KIAA1217: variants seen among roughly 807,000 people sequenced by gnomAD.
KIAA1217 encodes the protein KIAA1217.
KIAA1217 carries 88 observed loss-of-function variants against 163.9 expected under a neutral mutation model. The observed-to-expected ratio is 0.54, with a 90% CI of 0.45 to 0.64. The LOEUF is 0.64. Ranked by LOEUF, KIAA1217 falls within the 30% of genes least tolerant of loss-of-function variation. The probability of loss-of-function intolerance (pLI) is 0.00; values close to 1 mark genes in which losing one functional copy is unlikely to be tolerated. For synonymous variants in KIAA1217, 903 were observed against 923.1 expected (o/e 0.98, Z 0.39); for missense variants, 2,372 against 2,475.0 (o/e 0.96, Z 0.88).
At position 24,101,577 on chromosome 10, in the gene KIAA1217, G is replaced by A. The variant is rs528123091; in HGVS notation, c.-171+94203G>A. Among the ~76,000 whole-genome samples the A allele has an allele frequency of 3.3e-5, 5 of 152,124 alleles. No individual in the cohort carries two copies. The East Asian group carries it at 7.7e-4, about 23-fold the overall frequency. On this transcript the variant is annotated intron_variant, in intron 2 of 18. Coordinates refer to the KIAA1217 transcript ENST00000376462. ...CACATTATTATTGCTATACTTGGGA[G>A]CTAATAATGAATTACATTGAAAGCT... is the stretch of plus-strand genomic sequence containing the variant.
At chr10:24,106,658 G>A (rs1564708283) in intron 2 of KIAA1217, among the ~76,000 whole-genome samples, 1 of 152,102 alleles carries the variant, frequency 6.6e-6, no homozygotes. Context: ...GGAATCAGGA[G>A]GTCATTGAGT....
At chr10:24,529,461 A>C (rs2072764853) in intron 14 of KIAA1217, among the ~76,000 whole-genome samples, 1 of 152,082 alleles carries the variant, frequency 6.6e-6, no homozygotes, top group Non-Finnish European at 1.5e-5. Flanking sequence ...GGCAAATTCA[A>C]GTTTTATTTT....
intron 3 of KIAA1217, among the ~76,000 whole-genome samples, chr10:24,427,101 A>G (rs552716533): frequency 1.3e-5 from 2 of 152,234 alleles, no homozygotes; most frequent in East Asian, 3.9e-4. Flanking sequence ...CATGGAGGTG[A>G]AAGAACCCTT....
intron 1 of KIAA1217, among the ~76,000 whole-genome samples, chr10:23,878,219 A>C (rs987101435): frequency 6.6e-6 from 1 of 151,940 alleles, no homozygotes; most frequent in African/African-American, 2.4e-5. Flanking sequence ...CACGTAGAGC[A>C]CATTCTTTAT....
At chr10:24,429,119 T>C (rs1434909417) in intron 3 of KIAA1217, among the ~76,000 whole-genome samples, 1 of 152,206 alleles carries the variant, frequency 6.6e-6, no homozygotes, top group African/African-American at 2.4e-5. Context: ...AGACCTAGAT[T>C]GAAAATATTT....
intron 3 of KIAA1217, among the ~76,000 whole-genome samples, chr10:24,424,477 G>A (rs2059020768): frequency 6.6e-6 from 1 of 152,230 alleles, no homozygotes; most frequent in South Asian, 2.1e-4. Flanking sequence ...CGAGTTCCTG[G>A]CACAGGCCTG....
chr10:24,474,891 C>T (rs533297955), intron 6 of KIAA1217, among the ~76,000 whole-genome samples: 1 of 152,280 alleles, frequency 6.6e-6, no homozygotes, highest in South Asian at 2.1e-4. Flanking sequence ...CATGCTGCTA[C>T]CTATTGTTAT....
intron 1 of KIAA1217, among the ~76,000 whole-genome samples, chr10:23,788,582 G>C (rs930397641): frequency 1.3e-5 from 2 of 152,164 alleles, no homozygotes; most frequent in Admixed American, 1.3e-4. Flanking sequence ...CCCCCATATG[G>C]GGTTTTAATT....
In KIAA1217 at chr10:23,993,553, C is replaced by CTTTTTTTTTTTTTTTTTTTTT; in HGVS notation, c.-320-13652_-320-13651insTTTTTTTTTTTTTTTTTTTTT. Among the ~76,000 whole-genome samples the CTTTTTTTTTTTTTTTTTTTTT allele has an allele frequency of 4.2e-3, 292 of 68,930 alleles. 82 individuals are homozygous for CTTTTTTTTTTTTTTTTTTTTT. Among genetic ancestry groups the CTTTTTTTTTTTTTTTTTTTTT allele is most frequent in the African/African-American group, 0.013 (160 of 11,974 alleles). The allele number at this position is 68,930 out of a possible 152,430, so 45.2% of individuals were successfully genotyped here. Reference sequence around the variant, plus strand: ...AAGAGTTTGGCTCTCCATAGCCCAGCTTTTTTTTTTTTTTTTTTTTGAGAC... The same window carrying CTTTTTTTTTTTTTTTTTTTTT: ...AAGAGTTTGGCTCTCCATAGCCCAGCTTTTTTTTTTTTTTTTTTTTTTTTTTTTTTTTTTTTTTTTTGAGAC... On this transcript the variant is annotated intron_variant, in intron 1 of 18. Coordinates refer to the KIAA1217 transcript ENST00000376462.
intron 2 of KIAA1217, among the ~76,000 whole-genome samples, chr10:24,277,071 A>G (rs1739863787): frequency 6.6e-6 from 1 of 152,158 alleles, no homozygotes; most frequent in South Asian, 2.1e-4. Flanking sequence ...AAATTTTTCA[A>G]AAGCTTTTAA....
intron 2 of KIAA1217, among the ~76,000 whole-genome samples, chr10:24,360,254 G>A (rs1357950183): frequency 6.6e-6 from 1 of 151,862 alleles, no homozygotes; most frequent in Non-Finnish European, 1.5e-5. Context: ...CACCATGTTG[G>A]CCAGGCTGGT....
intron 2 of KIAA1217, among the ~76,000 whole-genome samples, chr10:24,072,919 A>T (rs1448771895): frequency 6.6e-6 from 1 of 152,048 alleles, no homozygotes; most frequent in Non-Finnish European, 1.5e-5. Context: ...TTAACTGGGC[A>T]TCATGGTGCA....
At chr10:23,769,948 A>C (rs1444450964) in intron 1 of KIAA1217, among the ~76,000 whole-genome samples, 6 of 152,154 alleles carry the variant, frequency 3.9e-5, no homozygotes, top group Non-Finnish European at 7.3e-5. Context: ...AGCCTTGGGG[A>C]CTCAGTTCCC....
intron 3 of KIAA1217, among the ~76,000 whole-genome samples, chr10:24,418,846 C>T (rs1016676201): frequency 6.6e-6 from 1 of 151,636 alleles, no homozygotes; most frequent in African/African-American, 2.4e-5. Flanking sequence ...TTCCTGGGGC[C>T]ATGATTATTT....
At chr10:23,741,804 A>AATAT (rs1478546988) in intron 1 of KIAA1217, among the ~76,000 whole-genome samples, 1 of 152,194 alleles carries the variant, frequency 6.6e-6, no homozygotes, top group African/African-American at 2.4e-5. Flanking sequence ...CTAGGGATAT[A>AATAT]GGCACAGGGG....
chr10:24,202,910 C>T (rs952541013), intron 2 of KIAA1217, among the ~76,000 whole-genome samples: 1 of 152,122 alleles, frequency 6.6e-6, no homozygotes, highest in African/African-American at 2.4e-5. Flanking sequence ...GTATACCGGG[C>T]CAGGGGCAGT....
At chr10:24,182,443 C>T (rs1474869949) in intron 2 of KIAA1217, among the ~76,000 whole-genome samples, 1 of 151,000 alleles carries the variant, frequency 6.6e-6, no homozygotes, top group Non-Finnish European at 1.5e-5. Context: ...CTCCATCACA[C>T]ACACACACAC....
At chr10:23,918,150 C>CTTT (rs559699322) in intron 1 of KIAA1217, among the ~76,000 whole-genome samples, 2 of 115,824 alleles carry the variant, frequency 1.7e-5, no homozygotes, top group Admixed American at 9.0e-5. Flanking sequence ...GTAGCTGGGA[C>CTTT]TTTTTTTTTT....
rs752313322 is a variant in KIAA1217 at position 23,928,445 on chromosome 10, AATG to A, written c.-320-78774_-320-78772del. On this transcript the variant is annotated intron_variant, in intron 1 of 18. Transcript: ENST00000376462. ...TGAATTGTTCATCATGCAATTAGCA[AATG>A]ATGATTTGTTCATTTATTTGTTTAT... Among the ~76,000 whole-genome samples the A allele has an allele frequency of 3.3e-5, 5 of 152,260 alleles. 1 individual carries two copies. In the South Asian group the frequency reaches 6.2e-4, roughly 19 times the overall value.
Sources: gnomAD v4.1 joint callset for allele counts (sites outside exome capture counted in the v4.1 genomes callset) on GRCh38, gnomAD v4.1.1 for gene constraint, MANE v1.5 for transcripts, NCBI Gene and HGNC (gene_info 2026-07-23, HGNC 2026-07-21) for gene names.